Variants in KLHL41 observed in about 807,000 individuals in gnomAD.
The protein encoded by KLHL41 is kelch-like protein 41.
KLHL41 carries 31 observed loss-of-function variants against 49.2 expected under a neutral mutation model. That is an observed-to-expected ratio of 0.63 (90% CI 0.47 to 0.85). KLHL41 has a LOEUF of 0.85. Ranked by LOEUF, KLHL41 falls within the 40% of genes least tolerant of loss-of-function variation. The probability of loss-of-function intolerance (pLI) is 0.00; values close to 1 mark genes in which losing one functional copy is unlikely to be tolerated. For synonymous variants in KLHL41, 218 were observed against 258.5 expected (o/e 0.84, Z 1.50); for missense variants, 663 against 726.7 (o/e 0.91, Z 1.01).
rs537872921 is a variant in KLHL41, at chr2:169,523,817, G to A, written c.1710-1768G>A. ...ATCTGTTAAATTAGAAACTCTGGGG[G>A]TGATAGGGCCAGCGATCTGTGTTTG... On this transcript the variant is annotated intron_variant, in intron 5 of 5. Coordinates refer to ENST00000284669, the MANE Select transcript of KLHL41 (RefSeq NM_006063.3). Among the ~76,000 whole-genome samples the A allele has an allele frequency of 1.1e-4, 16 of 152,256 alleles. No homozygotes were observed. In the South Asian group the frequency reaches 3.1e-3, roughly 30 times the overall value.
Position 169,525,518 on chromosome 2 carries a change from A to G in KLHL41, c.1710-67A>G, listed in dbSNP as rs1291220575. On this transcript the variant is annotated intron_variant, in intron 5 of 5. Coordinates refer to ENST00000284669, the MANE Select transcript of KLHL41 (RefSeq NM_006063.3). Reference sequence around the variant, plus strand: ...GGTTTTTTCAAAGATCCACATTTGTATTCTGAACACAGGGAAACCTATGGA... The same window carrying G: ...GGTTTTTTCAAAGATCCACATTTGTGTTCTGAACACAGGGAAACCTATGGA... The G allele has an allele frequency of 9.4e-6, 9 of 961,304 alleles. No homozygotes were observed. The East Asian group carries it at 2.2e-4, about 23-fold the overall frequency. The allele number at this position is 961,304 out of a possible 1,614,324, so 59.5% of individuals were successfully genotyped here.
chr2:169,511,643 G>T (rs966030605), intron 1 of KLHL41, among the ~76,000 whole-genome samples: 1 of 151,998 alleles, frequency 6.6e-6, no homozygotes, highest in Non-Finnish European at 1.5e-5. Context: ...AAAAAAACTT[G>T]TATATATATT....
intron 1 of KLHL41, among the ~76,000 whole-genome samples, chr2:169,513,125 G>A (rs779505405): frequency 3.3e-5 from 5 of 152,178 alleles, no homozygotes; most frequent in African/African-American, 4.8e-5. Context: ...AGGCAGTACT[G>A]TACAGTATGA....
chr2:169,523,485 A>C, intron 5 of KLHL41, among the ~76,000 whole-genome samples: 1 of 152,142 alleles, frequency 6.6e-6, no homozygotes, highest in African/African-American at 2.4e-5. Context: ...ATTCATCACT[A>C]TCTGCTTGGC....
chr2:169,523,414 T>C (rs1426958953), intron 5 of KLHL41, among the ~76,000 whole-genome samples: 2 of 152,222 alleles, frequency 1.3e-5, no homozygotes, highest in Admixed American at 6.5e-5. Flanking sequence ...GATCCATGGA[T>C]GTTTCTATAT....
intron 2 of KLHL41, 33 bp downstream of exon 2, chr2:169,514,764 A>G: frequency 1.2e-6 from 2 of 1,606,508 alleles, no homozygotes; most frequent in Non-Finnish European, 1.7e-6. Context: ...TTCCCTAAGC[A>G]TTCAAGTATA....
At chr2:169,515,008 T>C (rs369238573) in intron 3 of KLHL41, 47 bp downstream of exon 3, 30 of 1,172,920 alleles carry the variant, frequency 2.6e-5, no homozygotes, top group East Asian at 2.4e-4. Context: ...GACTTTTTAT[T>C]AGAAGGGTTT....
intron 4 of KLHL41, among the ~76,000 whole-genome samples, chr2:169,520,505 A>G (rs1684187803): frequency 6.6e-6 from 1 of 151,244 alleles, no homozygotes; most frequent in Non-Finnish European, 1.5e-5. Flanking sequence ...AGGCTGGAGT[A>G]CAGTTGCACA....
chr2:169,513,433 A>G (rs1574350635), intron 1 of KLHL41, among the ~76,000 whole-genome samples: 1 of 152,238 alleles, frequency 6.6e-6, no homozygotes, highest in Non-Finnish European at 1.5e-5. Context: ...CACCTTCATG[A>G]TCAAAGAATT....
In KLHL41 at chr2:169,510,298, C is replaced by G; in HGVS notation, c.520C>G (p.Leu174Val). 1 of 1,614,066 alleles carries G rather than the reference C, an allele frequency of 6.2e-7. No homozygotes were observed. Among genetic ancestry groups the G allele is most frequent in the Non-Finnish European group, 8.5e-7 (1 of 1,180,022 alleles). The change falls in exon 1 of 6, where the codon CTG (leucine) becomes GTG (valine). Residue 174 changes from leucine to valine, a missense_variant. Physicochemically the swap from Leu to Val is conservative, Grantham distance 32. Transcript: ENST00000284669. This position sits in a 1 kb window ranked among gnomAD's most constrained non-coding sequence, Gnocchi z 4.2. Reference sequence around the variant, plus strand: ...TTGTAAGGAAGAGGACTTTATGCAACTGTCTCCACAGGAACTGATCTCAGT... The same window carrying G: ...TTGTAAGGAAGAGGACTTTATGCAAGTGTCTCCACAGGAACTGATCTCAGT... ...QICKEEDFMQ[L>V]SPQELISVIS...
intron 5 of KLHL41, 109 bp downstream of exon 5, chr2:169,521,116 T>G (rs1684196413): frequency 1.0e-6 from 1 of 980,520 alleles, no homozygotes. Context: ...AAGCTACTTC[T>G]TGGTAGTAGA....
At position 169,509,812 on chromosome 2, in the gene KLHL41, C is replaced by A; in HGVS notation, c.34C>A (p.Arg12=). ...CCAGCGGGAACTTGCAGAGGAACTGCGGCTTTACCAATCCACCCTTCTTCA... is the reference window on the plus strand; with the variant it reads ...CCAGCGGGAACTTGCAGAGGAACTGAGGCTTTACCAATCCACCCTTCTTCA... ...DSQRELAEEL[R]LYQSTLLQDG... The change falls in exon 1 of 6, where the codon CGG becomes AGG. Residue 12 remains arginine, a synonymous_variant. Transcript: ENST00000284669. 6.2e-7 allele frequency: 1 copy of A among 1,612,898 alleles called. No individual in the cohort carries two copies. Among genetic ancestry groups the A allele is most frequent in the Non-Finnish European group, 8.5e-7 (1 of 1,179,812 alleles).
At chr2:169,520,292 G>GTGTATGTGTGTGTGTA (rs1684181953) in intron 4 of KLHL41, among the ~76,000 whole-genome samples, 1 of 122,056 alleles carries the variant, frequency 8.2e-6, no homozygotes, top group African/African-American at 2.7e-5. Context: ...GTGTGTGTGT[G>GTGTATGTGTGTGTGTA]TGTGTGTGTG....
chr2:169,522,376 T>C (rs1684215873), intron 5 of KLHL41, among the ~76,000 whole-genome samples: 1 of 150,484 alleles, frequency 6.6e-6, no homozygotes, highest in African/African-American at 2.5e-5. Flanking sequence ...CTTTCCCTCC[T>C]CCCCCCAAAA....
At chr2:169,515,217 G>C (rs1241123861) in intron 3 of KLHL41, among the ~76,000 whole-genome samples, 1 of 151,948 alleles carries the variant, frequency 6.6e-6, no homozygotes, top group Non-Finnish European at 1.5e-5. Context: ...ATTTTTAGTA[G>C]AGACAGGGTT....
In KLHL41 at chr2:169,519,109, C is replaced by A. The variant is rs554445206; in HGVS notation, c.1562+734C>A. ...GATATCTGTAAAGTATGAATGCTTC[C>A]CAAGTTTTCATTCCTTTACGCTGTT... On this transcript the variant is annotated intron_variant, in intron 4 of 5. Coordinates refer to ENST00000284669, the MANE Select transcript of KLHL41 (RefSeq NM_006063.3). Among the ~76,000 whole-genome samples, 41 of 152,094 alleles carry A rather than the reference C, an allele frequency of 2.7e-4. No individual in the cohort carries two copies. In the South Asian group the frequency reaches 3.1e-3, roughly 12 times the overall value.
chr2:169,519,151 A>T (rs1327329543), intron 4 of KLHL41, among the ~76,000 whole-genome samples: 1 of 152,166 alleles, frequency 6.6e-6, no homozygotes, highest in African/African-American at 2.4e-5. Flanking sequence ...TTTATTAAAA[A>T]TTTCATTTTT....
Position 169,510,744 on chromosome 2 carries a change from T to C in KLHL41, c.966T>C (p.Asn322=). 1 of 1,614,140 alleles carries C rather than the reference T, an allele frequency of 6.2e-7. No homozygotes were observed. The highest frequency in any genetic ancestry group is 8.5e-7 in the Non-Finnish European group (1 of 1,180,030). The change falls in exon 1 of 6, where the codon AAT becomes AAC. Residue 322 remains asparagine (N), a synonymous_variant. Coordinates refer to ENST00000284669, the MANE Select transcript of KLHL41 (RefSeq NM_006063.3). The surrounding 1 kb of genome is among the most constrained non-coding windows in gnomAD (Gnocchi z 4.2). ...CAGTGGCTTATGACCCCACGGAAAA[T>C]GAATGCTACCTTACTGCACTGGCTG... ...TAAVAYDPTE[N]ECYLTALAEQ...
intron 1 of KLHL41, among the ~76,000 whole-genome samples, chr2:169,512,600 A>G (rs966663768): frequency 6.6e-6 from 1 of 152,132 alleles, no homozygotes; most frequent in Non-Finnish European, 1.5e-5. Flanking sequence ...GGTTCAAGAA[A>G]CCTACTTAAT....
Sources: allele counts gnomAD v4.1 joint callset (sites outside exome capture counted in the v4.1 genomes callset), GRCh38; gene constraint gnomAD v4.1.1; non-coding constraint Gnocchi (gnomAD v3.1); transcripts MANE v1.5; gene names NCBI Gene and HGNC (gene_info 2026-07-23, HGNC 2026-07-21).